Variants in CDH23 observed in about 807,000 individuals in gnomAD.
The protein encoded by CDH23 is cadherin-23.
CDH23 carries 189 observed loss-of-function variants against 317.1 expected under a neutral mutation model. That is an observed-to-expected ratio of 0.60 (90% CI 0.53 to 0.67). The LOEUF (loss-of-function observed/expected upper bound fraction) is 0.67, where lower values mean the gene tolerates loss of function less well. CDH23 is among the 30% of genes least tolerant of loss of function. CDH23 has a pLI of 0.00. For synonymous variants in CDH23, 1,839 were observed against 1,876.8 expected (o/e 0.98, Z 0.52); for missense variants, 4,401 against 4,592.4 (o/e 0.96, Z 1.20).
At chr10:71,641,200 A>C in intron 11 of CDH23, among the ~76,000 whole-genome samples, 1 of 152,200 alleles carries the variant, frequency 6.6e-6, no homozygotes, top group East Asian at 1.9e-4. Context: ...CTGGCTATGC[A>C]GTGTGGTTCC....
intron 38 of CDH23, among the ~76,000 whole-genome samples, chr10:71,776,561 G>T (rs1230967119): frequency 6.6e-6 from 1 of 152,220 alleles, no homozygotes; most frequent in African/African-American, 2.4e-5. Flanking sequence ...TTCAACTGAA[G>T]AGAGTTTAAT....
At chr10:71,546,979 A>G (rs1490416757) in intron 6 of CDH23, among the ~76,000 whole-genome samples, 1 of 152,242 alleles carries the variant, frequency 6.6e-6, no homozygotes, top group African/African-American at 2.4e-5. Context: ...GGGCAGGTCA[A>G]GAGACGGGTG....
chr10:71,483,690 G>A (rs1852190966), intron 3 of CDH23, among the ~76,000 whole-genome samples: 1 of 152,198 alleles, frequency 6.6e-6, no homozygotes, highest in African/African-American at 2.4e-5. Flanking sequence ...AGGTGCATCA[G>A]CTGATTTAAT....
At chr10:71,579,841 G>A (rs148121408) in intron 9 of CDH23, among the ~76,000 whole-genome samples, 7 of 152,318 alleles carry the variant, frequency 4.6e-5, no homozygotes, top group African/African-American at 1.7e-4. Context: ...TTGTGCTGGA[G>A]AACTGAGGGA....
At chr10:71,626,188 GA>G (rs1861726077) in intron 11 of CDH23, among the ~76,000 whole-genome samples, 1 of 152,222 alleles carries the variant, frequency 6.6e-6, no homozygotes, top group African/African-American at 2.4e-5. Context: ...TTAGTGTGTG[GA>G]AAATAAAAAT....
At chr10:71,753,708 C>G in intron 38 of CDH23, 1 of 455,376 alleles carries the variant, frequency 2.2e-6, no homozygotes, top group Non-Finnish European at 4.4e-6. Context: ...ATGCAGCACC[C>G]CATGTCCTCC....
intron 38 of CDH23, chr10:71,773,557 GC>G (rs1168613484): frequency 1.0e-6 from 1 of 974,626 alleles, no homozygotes. Flanking sequence ...CGGCCCCAGC[GC>G]CGTGCTCCAG....
At chr10:71,645,492 TGCAGCTGGCCGGTCCCTCC>T (rs1045954850) in intron 12 of CDH23, among the ~76,000 whole-genome samples, 1 of 152,204 alleles carries the variant, frequency 6.6e-6, no homozygotes, top group Admixed American at 6.5e-5. Flanking sequence ...CGCTGGGTCT[TGCAGCTGGCCGGTCCCTCC>T]GCAGCTGGGG....
At chr10:71,432,174 G>A (rs920045003) in intron 1 of CDH23, among the ~76,000 whole-genome samples, 7 of 152,122 alleles carry the variant, frequency 4.6e-5, no homozygotes, top group African/African-American at 1.4e-4. Context: ...GCATCTCCTG[G>A]AGGGGGTGGC....
rs775191895 is a variant in CDH23 at position 71,803,047 on chromosome 10, G to A, written c.7632G>A (p.Leu2544=). The A allele has an allele frequency of 1.9e-6, 3 of 1,612,728 alleles. No individual in the cohort carries two copies. Among genetic ancestry groups the A allele is most frequent in the South Asian group, 2.2e-5 (2 of 91,036 alleles). Residue 2544 remains leucine (L), a synonymous_variant, in exon 54 of 70, where the codon TTG becomes TTA. Coordinates refer to ENST00000224721, the MANE Select transcript of CDH23 (RefSeq NM_022124.6). ...TDQDEGPNGE[L]TYSLEGPGVE... ...AGGATGAAGGTCCCAATGGAGAGTT[G>A]ACCTACTCACTTGAGGGCCCTGGCG...
intron 33 of CDH23, 71 bp from the exon 34 acceptor site, chr10:71,734,585 C>A: frequency 6.3e-7 from 1 of 1,598,818 alleles, no homozygotes; most frequent in Non-Finnish European, 8.5e-7. Context: ...TCTGGAAGAG[C>A]CACAGACGGC....
chr10:71,438,347 C>CAAAAAAAAAAAAAAAAAAAAAA (rs10596696), intron 1 of CDH23, among the ~76,000 whole-genome samples: 8 of 98,348 alleles, frequency 8.1e-5, no homozygotes, highest in South Asian at 3.2e-4. Flanking sequence ...CTGTCTCAAA[C>CAAAAAAAAAAAAAAAAAAAAAA]AAAAAAAAAA....
chr10:71,760,094 C>CACACACATAT lies in CDH23; in HGVS notation c.4846-17579_4846-17578insTATACACACA, dbSNP rs1564779840. 8.3e-4 allele frequency among the ~76,000 whole-genome samples: 82 copies of CACACACATAT among 98,606 alleles called. 5 individuals are homozygous for CACACACATAT. Among genetic ancestry groups the CACACACATAT allele is most frequent in the African/African-American group, 2.7e-3 (81 of 30,034 alleles). The allele number at this position is 98,606 out of a possible 152,430, so 64.7% of individuals were successfully genotyped here. ...ACACATATATATACACACACATATA[C>CACACACATAT]ACACACACATACATACATATATGTG... On this transcript the variant is annotated intron_variant, in intron 38 of 69. Coordinates refer to ENST00000224721, the MANE Select transcript of CDH23 (RefSeq NM_022124.6).
intron 9 of CDH23, among the ~76,000 whole-genome samples, chr10:71,611,077 C>T (rs568610744): frequency 6.6e-6 from 1 of 152,110 alleles, no homozygotes; most frequent in Non-Finnish European, 1.5e-5. Flanking sequence ...GCCCCCCAGC[C>T]CCCCATGGGA....
intron 22 of CDH23, among the ~76,000 whole-genome samples, chr10:71,701,056 CACT>C (rs1161801150): frequency 6.6e-6 from 1 of 152,212 alleles, no homozygotes; most frequent in Non-Finnish European, 1.5e-5. Flanking sequence ...CCCCCACCAC[CACT>C]GATCTTGTCC....
intron 6 of CDH23, among the ~76,000 whole-genome samples, chr10:71,536,743 G>A (rs1239002083): frequency 6.6e-6 from 1 of 152,098 alleles, no homozygotes; most frequent in African/African-American, 2.4e-5. Context: ...GTGATGTGAT[G>A]GGGAAAGGTC....
chr10:71,709,831 G>C (rs1056904858), intron 27 of CDH23, among the ~76,000 whole-genome samples: 1 of 152,070 alleles, frequency 6.6e-6, no homozygotes, highest in Non-Finnish European at 1.5e-5. Flanking sequence ...ACAGGAAAAA[G>C]GGTTTAATGG....
intron 38 of CDH23, among the ~76,000 whole-genome samples, chr10:71,775,200 G>A (rs898295580): frequency 1.4e-4 from 21 of 152,220 alleles, no homozygotes; most frequent in African/African-American, 4.6e-4. Flanking sequence ...GGTGGACACC[G>A]GGCCCTTCTC....
intron 9 of CDH23, among the ~76,000 whole-genome samples, chr10:71,582,956 G>A (rs974511899): frequency 6.6e-6 from 1 of 152,176 alleles, no homozygotes; most frequent in African/African-American, 2.4e-5. Flanking sequence ...GGCTCCCTGG[G>A]GGCCTGTTAG....
Sources: gnomAD v4.1 joint callset for allele counts (sites outside exome capture counted in the v4.1 genomes callset) on GRCh38, gnomAD v4.1.1 for gene constraint, MANE v1.5 for transcripts, NCBI Gene and HGNC (gene_info 2026-07-23, HGNC 2026-07-21) for gene names.